The following DGKD variants were observed in gnomAD, a reference collection of about 807,000 sequenced individuals.
DGKD encodes the protein diacylglycerol kinase delta.
In DGKD, 68 loss-of-function variants were observed where a neutral mutation model predicts 154.4. That is an observed-to-expected ratio of 0.44 (90% CI 0.36 to 0.54). DGKD has a LOEUF of 0.54. DGKD is among the 20% of genes least tolerant of loss of function. The pLI, the probability that DGKD is intolerant of heterozygous loss-of-function variation, is 0.00. For missense variants in DGKD, 1,343 were observed against 1,593.6 expected, an observed-to-expected ratio of 0.84 and a Z score of 2.68; for synonymous variants, 693 against 638.0, an observed-to-expected ratio of 1.09 and a Z score of -1.30.
In DGKD at chr2:233,356,639, T is replaced by TA. The variant is rs1288780258; in HGVS notation, c.156+1966dup. Among the ~76,000 whole-genome samples, 6 of 152,312 alleles carry TA rather than the reference T, an allele frequency of 3.9e-5. No individual in the cohort carries two copies. The East Asian group carries it at 1.2e-3, about 29-fold the overall frequency. ...TTTTCTCCTAAAACAATAGCTGCTA[T>TA]ACCAGCTGTTCTGGTTGAGGAGGAG... is the stretch of plus-strand genomic sequence containing the variant. On this transcript the variant is annotated intron_variant, in intron 1 of 29. Coordinates refer to ENST00000264057, the MANE Select transcript of DGKD (RefSeq NM_152879.3).
chr2:233,421,443 T>C (rs2062110552), intron 3 of DGKD, among the ~76,000 whole-genome samples: 1 of 152,220 alleles, frequency 6.6e-6, no homozygotes, highest in Admixed American at 6.5e-5. Context: ...CAGCTTTCAA[T>C]AAAGCAACCA....
At chr2:233,401,974 C>T (rs901895772) in intron 3 of DGKD, among the ~76,000 whole-genome samples, 2 of 150,122 alleles carry the variant, frequency 1.3e-5, no homozygotes, top group African/African-American at 4.9e-5. Context: ...ATCGAGGGGC[C>T]CCTCGTTTCT....
At chr2:233,405,160 C>T (rs1471869662) in intron 3 of DGKD, among the ~76,000 whole-genome samples, 2 of 152,178 alleles carry the variant, frequency 1.3e-5, no homozygotes, top group Non-Finnish European at 2.9e-5. Flanking sequence ...TTGATTGTGT[C>T]CTCCAAAGTT....
rs537998549 is a variant in DGKD at position 233,459,382 on chromosome 2, C to T, written c.2695-375C>T. ...AACGGGATGATGATGGATGGCTCATCGTCATCCACTGTGCCATCTGCTCTT... is the reference window on the plus strand; with the variant it reads ...AACGGGATGATGATGGATGGCTCATTGTCATCCACTGTGCCATCTGCTCTT... On this transcript the variant is annotated intron_variant, in intron 22 of 29. Coordinates refer to ENST00000264057, the MANE Select transcript of DGKD (RefSeq NM_152879.3). This position sits in a 1 kb window ranked among gnomAD's most constrained non-coding sequence, Gnocchi z 5.7. 2.6e-5 allele frequency among the ~76,000 whole-genome samples: 4 copies of T among 152,256 alleles called. No homozygotes were observed. Among genetic ancestry groups the T allele is most frequent in the Non-Finnish European group, 4.4e-5 (3 of 68,014 alleles).
At chr2:233,394,251 T>TC (rs1427553958) in intron 3 of DGKD, among the ~76,000 whole-genome samples, 3 of 152,226 alleles carry the variant, frequency 2.0e-5, no homozygotes, top group African/African-American at 7.2e-5. Context: ...GCTTTTTTTT[T>TC]CTTCTTTCCT....
chr2:233,447,535 T>C, intron 12 of DGKD: 2 of 985,376 alleles, frequency 2.0e-6, no homozygotes, highest in Middle Eastern at 5.2e-4. Flanking sequence ...AATTTTTTTT[T>C]TGAGAGGAAG....
At chr2:233,394,775 T>C (rs1703899701) in intron 3 of DGKD, among the ~76,000 whole-genome samples, 1 of 137,984 alleles carries the variant, frequency 7.2e-6, no homozygotes, top group South Asian at 2.5e-4. Context: ...TGGTACAGTG[T>C]TAGCTCACTG....
intron 7 of DGKD, 25 bp downstream of exon 7, chr2:233,436,466 C>A: frequency 6.2e-7 from 1 of 1,604,652 alleles, no homozygotes; most frequent in Non-Finnish European, 8.5e-7. Context: ...TGCGCCCGGG[C>A]TGGAGGGGAG....
Position 233,394,690 on chromosome 2 carries a change from C to CTTTTTTTTTTTTTTTTTTTTTTTTTTTTT in DGKD, c.348+4207_348+4208insTTTTTTTTTTTTTTTTTTTTTTTTTTTTT, listed in dbSNP as rs1703879704. Among the ~76,000 whole-genome samples the CTTTTTTTTTTTTTTTTTTTTTTTTTTTTT allele has an allele frequency of 7.2e-5, 6 of 83,252 alleles. 1 individual carries two copies. The highest frequency in any genetic ancestry group is 8.8e-5 in the African/African-American group (2 of 22,668). 54.6% of individuals were successfully genotyped at this position (83,252 alleles called of 152,430 possible). A position where few individuals can be genotyped will look rare whatever the true frequency, so the allele number is the denominator to read the frequency against. On this transcript the variant is annotated intron_variant, in intron 3 of 29. Coordinates refer to ENST00000264057, the MANE Select transcript of DGKD (RefSeq NM_152879.3). The stretch of plus-strand genomic sequence containing the variant: ...TTCCTTATTATTTTGAATTTAATTC[C>CTTTTTTTTTTTTTTTTTTTTTTTTTTTTT]CTTTTTTTTTTTTTTTTTTTTTTTT...
chr2:233,388,436 T>C, intron 2 of DGKD, 69 bp downstream of exon 2: 1 of 1,452,140 alleles, frequency 6.9e-7, no homozygotes, highest in Non-Finnish European at 9.3e-7. Context: ...GAACTGGGGG[T>C]GCTGAGTCCT....
chr2:233,370,979 C>T (rs772071453), intron 1 of DGKD, among the ~76,000 whole-genome samples: 4 of 149,304 alleles, frequency 2.7e-5, no homozygotes, highest in African/African-American at 1.0e-4. Context: ...CTCGAACACT[C>T]GGGCTCAAGT....
intron 1 of DGKD, among the ~76,000 whole-genome samples, chr2:233,374,509 ATT>A (rs1340145566): frequency 6.6e-6 from 1 of 151,906 alleles, no homozygotes; most frequent in Non-Finnish European, 1.5e-5. Flanking sequence ...TAATTTTTAG[ATT>A]TTTTGTAGAG....
chr2:233,422,810 C>T (rs921050709), intron 3 of DGKD, among the ~76,000 whole-genome samples: 18 of 152,074 alleles, frequency 1.2e-4, no homozygotes, highest in Non-Finnish European at 2.5e-4. Context: ...CAGTGGTAAC[C>T]TCTTGCACAA....
chr2:233,397,842 G>A (rs537109507), intron 3 of DGKD, among the ~76,000 whole-genome samples: 1 of 151,852 alleles, frequency 6.6e-6, no homozygotes, highest in African/African-American at 2.4e-5. Flanking sequence ...AGGTCAGAAG[G>A]GGGTGGAGTA....
chr2:233,394,971 G>C (rs1466682715), intron 3 of DGKD, among the ~76,000 whole-genome samples: 2 of 151,866 alleles, frequency 1.3e-5, no homozygotes, highest in East Asian at 3.9e-4. Flanking sequence ...TAAAGTGTTG[G>C]TATTACAGGC....
intron 29 of DGKD, 148 bp downstream of exon 29, chr2:233,468,701 C>A (rs1330091000): frequency 3.1e-6 from 4 of 1,273,498 alleles, no homozygotes; most frequent in African/African-American, 1.5e-5. Flanking sequence ...CGGCTGTGGC[C>A]CTCATCTAGG....
In DGKD at chr2:233,462,403, G is replaced by T; in HGVS notation, c.3037G>T (p.Val1013Phe). The T allele has an allele frequency of 6.2e-7, 1 of 1,604,444 alleles. No individual in the cohort carries two copies. Among genetic ancestry groups the T allele is most frequent in the Non-Finnish European group, 8.5e-7 (1 of 1,172,264 alleles). ...CATGGAGCAGGAACTGGCCCACGCC[G>T]TCAATGCCAGCTCCAAGTCCATGGA... ...RDMEQELAHA[V>F]NASSKSMDRV... The change falls in exon 25 of 30, where the codon GTC becomes TTC. Residue 1013 changes from valine to phenylalanine, a missense_variant. This residue lies in a region of DGKD where 429 missense variants were observed against 496.3 expected (regional missense o/e 0.86). Transcript: ENST00000264057.
intron 3 of DGKD, among the ~76,000 whole-genome samples, chr2:233,428,860 A>G (rs2062405966): frequency 6.7e-6 from 1 of 149,644 alleles, no homozygotes; most frequent in Non-Finnish European, 1.5e-5. Flanking sequence ...ACAGGCACAA[A>G]TAAGAGGTTT....
intron 3 of DGKD, among the ~76,000 whole-genome samples, chr2:233,398,273 G>T (rs1171784066): frequency 2.0e-5 from 3 of 151,704 alleles, no homozygotes; most frequent in Non-Finnish European, 4.4e-5. Flanking sequence ...CTCCTGAGTG[G>T]CTGGGAGTAC....
Sources: allele counts gnomAD v4.1 joint callset (sites outside exome capture counted in the v4.1 genomes callset), GRCh38; gene constraint gnomAD v4.1.1; regional missense constraint gnomAD v4.1.1; non-coding constraint Gnocchi (gnomAD v3.1); transcripts MANE v1.5; gene names NCBI Gene and HGNC (gene_info 2026-07-23, HGNC 2026-07-21).